Variants in EYA3 observed in about 807,000 individuals in gnomAD.
EYA3 encodes protein phosphatase EYA3.
Under a neutral mutation model 80.0 loss-of-function variants are expected in EYA3, and 39 were observed. The observed-to-expected ratio is 0.49, with a 90% CI of 0.38 to 0.64. The LOEUF (loss-of-function observed/expected upper bound fraction) is 0.64. Ranked by LOEUF, EYA3 falls within the 30% of genes least tolerant of loss-of-function variation. The pLI is 0.00. For missense variants in EYA3, 523 were observed against 676.1 expected (o/e 0.77, Z 2.51); for synonymous variants, 206 against 232.8 (o/e 0.88, Z 1.05).
chr1:28,004,446 G>T, intron 10 of EYA3, 27 bp from the exon 11 acceptor site: 3 of 1,531,844 alleles, frequency 2.0e-6, no homozygotes, highest in Non-Finnish European at 2.7e-6. Context: ...TAAAAAATGA[G>T]TATATTTTCC....
chr1:28,008,723 C>T (rs147136202), intron 10 of EYA3, among the ~76,000 whole-genome samples: 1 of 152,202 alleles, frequency 6.6e-6, no homozygotes, highest in Non-Finnish European at 1.5e-5. Context: ...GTGGGTGGAT[C>T]ACCTGAGGTC....
intron 10 of EYA3, among the ~76,000 whole-genome samples, chr1:28,006,269 G>A (rs1189925321): frequency 2.6e-5 from 4 of 151,922 alleles, no homozygotes; most frequent in Non-Finnish European, 5.9e-5. Context: ...AGAACAGAGG[G>A]GGAAAAAGCT....
At chr1:28,046,417 G>A (rs532751221) in intron 3 of EYA3, among the ~76,000 whole-genome samples, 1 of 152,292 alleles carries the variant, frequency 6.6e-6, no homozygotes, top group East Asian at 1.9e-4. Flanking sequence ...AGCAGATTAA[G>A]TAGGTTGATT....
intron 13 of EYA3, among the ~76,000 whole-genome samples, chr1:27,995,088 A>G (rs1175986283): frequency 6.6e-6 from 1 of 152,134 alleles, no homozygotes; most frequent in Non-Finnish European, 1.5e-5. Flanking sequence ...AAATAAATTA[A>G]CAATAGATTT....
intron 16 of EYA3, among the ~76,000 whole-genome samples, chr1:27,983,329 A>T (rs1571708173): frequency 6.6e-6 from 1 of 152,350 alleles, no homozygotes; most frequent in Non-Finnish European, 1.5e-5. Flanking sequence ...GCATGATCAT[A>T]GGGTTATGTA....
intron 7 of EYA3, among the ~76,000 whole-genome samples, chr1:28,021,296 T>C (rs1327753476): frequency 6.6e-6 from 1 of 152,206 alleles, no homozygotes; most frequent in Non-Finnish European, 1.5e-5. Context: ...GCATGATGGC[T>C]CCTCAGCATG....
chr1:28,087,884 C>G (rs960270703), intron 1 of EYA3, among the ~76,000 whole-genome samples: 1 of 152,360 alleles, frequency 6.6e-6, no homozygotes, highest in Non-Finnish European at 1.5e-5. Context: ...ACTATGGAAG[C>G]TACCAGAGTT....
chr1:28,023,096 A>AAAAG, intron 7 of EYA3, among the ~76,000 whole-genome samples: 1 of 34,368 alleles, frequency 2.9e-5, no homozygotes, highest in African/African-American at 1.2e-4. Flanking sequence ...GGGGGGGGGG[A>AAAAG]AAACCAAAAA....
chr1:27,997,483 C>T (rs1640542612), intron 12 of EYA3, 105 bp from the exon 13 acceptor site: 1 of 995,904 alleles, frequency 1.0e-6, no homozygotes, highest in Non-Finnish European at 1.6e-6. Flanking sequence ...TAATGAAATG[C>T]CTTATGGAAT....
At chr1:28,017,936 C>T (rs1642180994) in intron 7 of EYA3, among the ~76,000 whole-genome samples, 2 of 152,168 alleles carry the variant, frequency 1.3e-5, no homozygotes, top group African/African-American at 2.4e-5. Context: ...TGGCTCATGC[C>T]TGTATCCCAG....
chr1:28,038,954 A>C, intron 4 of EYA3, 49 bp from the exon 5 acceptor site: 3 of 1,278,548 alleles, frequency 2.3e-6, no homozygotes, highest in Admixed American at 1.8e-5. Flanking sequence ...ACATTTCGAA[A>C]ATGGAATGGG....
chr1:28,001,857 A>C (rs1310035122), intron 11 of EYA3, among the ~76,000 whole-genome samples: 3 of 149,936 alleles, frequency 2.0e-5, no homozygotes, highest in Non-Finnish European at 4.5e-5. Flanking sequence ...CAGCCTCCCT[A>C]GTAGCTGGGA....
At chr1:28,043,765 G>A (rs944693827) in intron 3 of EYA3, among the ~76,000 whole-genome samples, 1 of 152,192 alleles carries the variant, frequency 6.6e-6, no homozygotes, top group Non-Finnish European at 1.5e-5. Flanking sequence ...CTGAACTCAG[G>A]AGGCAGAAGT....
At chr1:28,034,800 T>C (rs909245166) in intron 6 of EYA3, among the ~76,000 whole-genome samples, 1 of 152,164 alleles carries the variant, frequency 6.6e-6, no homozygotes, top group African/African-American at 2.4e-5. Flanking sequence ...AAATATAATT[T>C]TGTTACATAT....
chr1:28,032,246 C>CT (rs1643191988), intron 6 of EYA3: 1 of 152,112 alleles, frequency 6.6e-6, no homozygotes, highest in South Asian at 2.1e-4. Context: ...TTACATATTG[C>CT]TTTTTTCAAT....
intron 6 of EYA3, 97 bp from the exon 7 acceptor site, chr1:28,028,023 T>C: frequency 7.3e-7 from 1 of 1,375,436 alleles, no homozygotes. Context: ...AAAATCTAAA[T>C]CTTAAAACAA....
At chr1:28,045,715 T>C (rs905977874) in intron 3 of EYA3, among the ~76,000 whole-genome samples, 2 of 152,166 alleles carry the variant, frequency 1.3e-5, no homozygotes, top group African/African-American at 4.8e-5. Flanking sequence ...ATAATTATTT[T>C]CAAAGTTATA....
At chr1:27,978,793 G>A (rs1639115487) in intron 16 of EYA3, among the ~76,000 whole-genome samples, 2 of 152,134 alleles carry the variant, frequency 1.3e-5, no homozygotes, top group African/African-American at 4.8e-5. Flanking sequence ...GAGAAACCCC[G>A]TCTCTACTAA....
At chr1:28,071,179 C>T (rs1645009637) in intron 1 of EYA3, among the ~76,000 whole-genome samples, 1 of 152,208 alleles carries the variant, frequency 6.6e-6, no homozygotes, top group Non-Finnish European at 1.5e-5. Flanking sequence ...TTGCCTCAGC[C>T]TCCCAAAGTG....
Sources: allele counts gnomAD v4.1 joint callset (sites outside exome capture counted in the v4.1 genomes callset), GRCh38; gene constraint gnomAD v4.1.1; transcripts MANE v1.5; gene names NCBI Gene and HGNC (gene_info 2026-07-23, HGNC 2026-07-21).